CEP76: variants seen among roughly 807,000 people sequenced by gnomAD.
CEP76 encodes the protein centrosomal protein 76, also known as centrosomal protein of 76 kDa.
In CEP76, 55 loss-of-function variants were observed where a neutral mutation model predicts 83.3. That is an observed-to-expected ratio of 0.66 (90% CI 0.53 to 0.83). The LOEUF is 0.83. Ranked by LOEUF, CEP76 falls within the 40% of genes least tolerant of loss-of-function variation. The pLI, the probability that CEP76 is intolerant of heterozygous loss-of-function variation, is 0.00. For missense variants in CEP76, 694 were observed against 799.5 expected (o/e 0.87, Z 1.59); for synonymous variants, 270 against 274.5 (o/e 0.98, Z 0.16).
upstream of CEP76, chr18:12,702,763 T>C (rs1049036738): frequency 1.7e-6 from 1 of 589,368 alleles, no homozygotes; most frequent in Non-Finnish European, 2.9e-6. Context: ...TTTCAAACAG[T>C]GGCGGACAAA....
chr18:12,671,269 TA>T (rs1160808498), downstream of CEP76: 2 of 152,128 alleles, frequency 1.3e-5, no homozygotes, highest in East Asian at 1.9e-4. Context: ...AAGACACTTT[TA>T]GATTTTAATT....
At chr18:12,687,291 C>A (rs1035216364) in intron 7 of CEP76, among the ~76,000 whole-genome samples, 3 of 152,018 alleles carry the variant, frequency 2.0e-5, no homozygotes, top group African/African-American at 7.2e-5. Flanking sequence ...TTCTCCACAA[C>A]CAGAACATCT....
intron 8 of CEP76, chr18:12,684,413 C>T (rs749910591): frequency 6.6e-6 from 1 of 151,844 alleles, no homozygotes; most frequent in Non-Finnish European, 1.5e-5. Flanking sequence ...CCATGCCTGG[C>T]CTGCTGTCAC....
chr18:12,670,354 A>C (rs1398846042), downstream of CEP76: 1 of 152,236 alleles, frequency 6.6e-6, no homozygotes, highest in Non-Finnish European at 1.5e-5. Flanking sequence ...AAAGAATAGC[A>C]GACTTCTAGT....
intron 7 of CEP76, among the ~76,000 whole-genome samples, chr18:12,687,694 C>G (rs2039592369): frequency 6.6e-6 from 1 of 151,578 alleles, no homozygotes; most frequent in African/African-American, 2.4e-5. Context: ...CTCAAGTGAT[C>G]CGCCCACCTC....
intron 8 of CEP76, chr18:12,684,896 G>A (rs2039484315): frequency 6.6e-6 from 1 of 152,078 alleles, no homozygotes; most frequent in Non-Finnish European, 1.5e-5. Context: ...TTCAAAAAGT[G>A]TAATTAAATA....
At chr18:12,665,475 A>G (rs1301011061) in intron 12 of CEP76, among the ~76,000 whole-genome samples, 1 of 152,146 alleles carries the variant, frequency 6.6e-6, no homozygotes, top group African/African-American at 2.4e-5. Flanking sequence ...TTGTATAAAG[A>G]GCCACTGATG....
At chr18:12,699,933 A>G (rs1439997425) in intron 2 of CEP76, 28 bp from the exon 3 acceptor site, 1 of 1,440,446 alleles carries the variant, frequency 6.9e-7, no homozygotes, top group Non-Finnish European at 9.5e-7. Context: ...AAAAATCAAA[A>G]CAAATTAGAA....
intron 10 of CEP76, 127 bp downstream of exon 10, chr18:12,677,982 A>G: frequency 3.0e-6 from 2 of 671,308 alleles, no homozygotes; most frequent in East Asian, 5.4e-5. Flanking sequence ...AAGCTTCATA[A>G]TAGTAGGGAC....
intron 12 of CEP76, among the ~76,000 whole-genome samples, chr18:12,662,726 G>A (rs572784299): frequency 1.3e-5 from 2 of 152,170 alleles, no homozygotes; most frequent in South Asian, 2.1e-4. Flanking sequence ...GCAGTGAGCC[G>A]AGATCATGCC....
At chr18:12,671,775 G>A (rs746502344), downstream of CEP76, among the ~76,000 whole-genome samples, 32 of 150,904 alleles carry the variant, frequency 2.1e-4, 1 homozygote, top group Non-Finnish European at 4.6e-4. Context: ...CGAGTAGCTT[G>A]GATTATGGGT....
At chr18:12,684,931 AAAC>A (rs2039486433) in intron 8 of CEP76, 1 of 152,214 alleles carries the variant, frequency 6.6e-6, no homozygotes, top group South Asian at 2.1e-4. Context: ...AATACAAACT[AAAC>A]AAACTAAATA....
chr18:12,672,745 T>C lies in CEP76; in HGVS notation c.*620A>G. 5 of 971,430 alleles carry C rather than the reference T, an allele frequency of 5.1e-6. No homozygotes were observed. The highest frequency in any genetic ancestry group is 6.1e-6 in the Non-Finnish European group (5 of 817,032). 60.2% of individuals were successfully genotyped at this position (971,430 alleles called of 1,614,324 possible). On this transcript the variant is annotated 3_prime_UTR_variant, in exon 12 of 12. Transcript: ENST00000262127. ...CACAGTGATAAATATTTCTAAATGATTCATGTACTTTCATATGAGGTTATT... is the reference window on the plus strand; with the variant it reads ...CACAGTGATAAATATTTCTAAATGACTCATGTACTTTCATATGAGGTTATT...
chr18:12,682,458 G>A (rs2039385522), intron 8 of CEP76, among the ~76,000 whole-genome samples: 1 of 151,492 alleles, frequency 6.6e-6, no homozygotes, highest in Non-Finnish European at 1.5e-5. Flanking sequence ...CAAAGTGCTG[G>A]GACTACAGGC....
chr18:12,692,483 G>A lies in CEP76; in HGVS notation c.805-996C>T, dbSNP rs192574603. ...ACAGGGCTTTCGGTCCTCCATAGGGGCTTTTGTTCTAGGCTGTTCCCAGTG... is the reference window on the plus strand; with the variant it reads ...ACAGGGCTTTCGGTCCTCCATAGGGACTTTTGTTCTAGGCTGTTCCCAGTG... On this transcript the variant is annotated intron_variant, in intron 6 of 11. Transcript: ENST00000262127. 1.2e-3 allele frequency among the ~76,000 whole-genome samples: 182 copies of A among 152,140 alleles called. 2 individuals carry two copies. Among genetic ancestry groups the A allele is most frequent in the African/African-American group, 3.9e-3 (162 of 41,494 alleles).
At chr18:12,692,415 T>A (rs2039801235) in intron 6 of CEP76, 1 of 152,010 alleles carries the variant, frequency 6.6e-6, no homozygotes, top group South Asian at 2.1e-4. Flanking sequence ...GGCCCGACTA[T>A]CTCATTTTCT....
intron 8 of CEP76, chr18:12,684,945 G>A (rs1338851054): frequency 6.6e-6 from 1 of 151,632 alleles, no homozygotes; most frequent in Non-Finnish European, 1.5e-5. Context: ...AAACTAAATA[G>A]CATGCAATTC....
At chr18:12,674,466 A>G in intron 11 of CEP76, 70 bp downstream of exon 11, 1 of 1,205,508 alleles carries the variant, frequency 8.3e-7, no homozygotes, top group Non-Finnish European at 1.2e-6. Context: ...AAGGAAATTA[A>G]AAAAACCCCT....
intron 6 of CEP76, among the ~76,000 whole-genome samples, chr18:12,693,850 A>G (rs1267414008): frequency 6.6e-6 from 1 of 152,178 alleles, no homozygotes; most frequent in Admixed American, 6.5e-5. Context: ...CATTTATTTA[A>G]GAGACAGGGT....
Sources: allele counts gnomAD v4.1 joint callset (sites outside exome capture counted in the v4.1 genomes callset), GRCh38; gene constraint gnomAD v4.1.1; transcripts MANE v1.5; gene names NCBI Gene and HGNC (gene_info 2026-07-23, HGNC 2026-07-21).